Variants in SEC16A observed in about 807,000 individuals in gnomAD.
SEC16A encodes the protein protein transport protein Sec16A.
A neutral mutation model predicts 221.9 loss-of-function variants in SEC16A; 110 were observed. The ratio of observed to expected loss-of-function variants is 0.50; its 90% CI spans 0.42 to 0.58. The LOEUF is 0.58. SEC16A is among the 20% of genes least tolerant of loss of function. The pLI, the probability that SEC16A is intolerant of heterozygous loss-of-function variation, is 0.00. For synonymous variants in SEC16A, 1,393 were observed against 1,257.7 expected, an observed-to-expected ratio of 1.11 and a Z score of -2.28; for missense variants, 3,165 against 3,097.8, an observed-to-expected ratio of 1.02 and a Z score of -0.52.
intron 20 of SEC16A, among the ~76,000 whole-genome samples, chr9:136,455,384 G>A (rs1838486326): frequency 6.6e-6 from 1 of 152,162 alleles, no homozygotes; most frequent in Non-Finnish European, 1.5e-5. Flanking sequence ...GACATGGAAA[G>A]CCATGAGCCT....
intron 22 of SEC16A, among the ~76,000 whole-genome samples, chr9:136,452,179 T>C (rs1305207400): frequency 2.6e-5 from 4 of 151,510 alleles, no homozygotes; most frequent in Non-Finnish European, 4.4e-5. Context: ...CTGGGCGGGG[T>C]GGCTCATGCC....
chr9:136,449,783 ATCATGTTTTATC>A (rs1400581913), intron 23 of SEC16A, among the ~76,000 whole-genome samples: 1 of 152,242 alleles, frequency 6.6e-6, no homozygotes, highest in Non-Finnish European at 1.5e-5. Context: ...CTGCTCAAGT[ATCATGTTTTATC>A]TCAGAGCTCA....
rs780432943 is a variant in SEC16A, at chr9:136,448,600, G to T, written c.6313-439C>A. On this transcript the variant is annotated intron_variant, in intron 23 of 31. Coordinates refer to ENST00000684901, the MANE Select transcript of SEC16A (RefSeq NM_014866.2). ...TCCATAGAGACACCAGGATGGAGGT[G>T]GGGAGCAGATCCAGACACACCAGGA... 3 of 713,350 alleles carry T rather than the reference G, an allele frequency of 4.2e-6. No individual in the cohort carries two copies. In the South Asian group the frequency reaches 4.5e-5, roughly 11 times the overall value. 44.2% of individuals were successfully genotyped at this position (713,350 alleles called of 1,614,324 possible).
intron 22 of SEC16A, among the ~76,000 whole-genome samples, chr9:136,452,477 A>AAAAAAAAG (rs1413100239): frequency 6.9e-6 from 1 of 144,996 alleles, no homozygotes; most frequent in Non-Finnish European, 1.5e-5. Flanking sequence ...AAAAAAAAAA[A>AAAAAAAAG]AGAGATGGCC....
intron 1 of SEC16A, among the ~76,000 whole-genome samples, chr9:136,481,633 C>T (rs1044843331): frequency 3.3e-5 from 5 of 152,130 alleles, no homozygotes; most frequent in Admixed American, 1.3e-4. Context: ...GCATGCACAC[C>T]CCTCTCCTCT....
chr9:136,462,178 G>A (rs1839572408), intron 12 of SEC16A, among the ~76,000 whole-genome samples: 2 of 152,254 alleles, frequency 1.3e-5, no homozygotes, highest in South Asian at 4.1e-4. Flanking sequence ...TGATATAAAA[G>A]GACAGAAAAC....
In SEC16A at chr9:136,447,176, G is replaced by T; in HGVS notation, c.6697+51C>A. Reference sequence around the variant, plus strand: ...AGAGACTCATAGAAAGAGGATCAAAGGTCAGGAGACTGGGGGCTGACCTGG... The same window carrying T: ...AGAGACTCATAGAAAGAGGATCAAATGTCAGGAGACTGGGGGCTGACCTGG... On this transcript the variant is annotated intron_variant, in intron 27 of 31. Coordinates refer to ENST00000684901, the MANE Select transcript of SEC16A (RefSeq NM_014866.2). This position sits in a 1 kb window ranked among gnomAD's most constrained non-coding sequence, Gnocchi z 5.5. 1 of 1,563,490 alleles carries T rather than the reference G, an allele frequency of 6.4e-7. No homozygotes were observed. The highest frequency in any genetic ancestry group is 8.7e-7 in the Non-Finnish European group (1 of 1,153,484).
chr9:136,472,953 C>A (rs1158082940), intron 3 of SEC16A, among the ~76,000 whole-genome samples: 1 of 152,256 alleles, frequency 6.6e-6, no homozygotes, highest in Admixed American at 6.5e-5. Flanking sequence ...CACGGCTTCC[C>A]GTCGCTCTGC....
Position 136,451,289 on chromosome 9 carries a change from C to G in SEC16A, c.6279G>C (p.Gln2093His), listed in dbSNP as rs1490532145. The change falls in exon 23 of 32, where the codon CAG (glutamine) becomes CAC (histidine). Residue 2093 changes from glutamine (Q) to histidine (H), a missense_variant. This residue lies in a region of SEC16A where 1,088 missense variants were observed against 1,089.6 expected (regional missense o/e 1.00). Transcript: ENST00000684901. Reference protein sequence around the residue: ...SPAPETKRPGQAAKKETKEPK... With the variant: ...SPAPETKRPGHAAKKETKEPK... ...GTTCCTTCGTTTCTTTCTTGGCTGC[C>G]TGTCCGGGTCTCTTTGTTTCGGGAG... 1.9e-6 allele frequency: 3 copies of G among 1,613,164 alleles called. No homozygotes were observed.
chr9:136,465,470 C>T (rs572906704), intron 8 of SEC16A, among the ~76,000 whole-genome samples: 2 of 152,306 alleles, frequency 1.3e-5, no homozygotes, highest in East Asian at 3.9e-4. Flanking sequence ...AAAAAACAAA[C>T]AAACAAAAAA....
At chr9:136,445,177 C>G (rs1463194717) in intron 29 of SEC16A, 66 bp from the exon 30 acceptor site, 16 of 1,377,076 alleles carry the variant, frequency 1.2e-5, no homozygotes, top group Middle Eastern at 1.8e-4. Flanking sequence ...CTGTCCAATC[C>G]AAGCTGTCAG....
At chr9:136,470,373 G>A (rs1026759691) in intron 4 of SEC16A, among the ~76,000 whole-genome samples, 1 of 152,186 alleles carries the variant, frequency 6.6e-6, no homozygotes, top group Admixed American at 6.5e-5. Context: ...TGGCAGGGCG[G>A]CCAGCAGCAG....
In SEC16A at chr9:136,448,656, C is replaced by T. The variant is rs1021109002; in HGVS notation, c.6313-495G>A. On this transcript the variant is annotated intron_variant, in intron 23 of 31. Coordinates refer to ENST00000684901, the MANE Select transcript of SEC16A (RefSeq NM_014866.2). ...GAGGTGGGGAGCAGATCCACAGAGA[C>T]ACCAGGAGGATGGAGGTGGGGAGCA... The T allele has an allele frequency of 7.1e-6, 5 of 707,092 alleles. No individual in the cohort carries two copies. The African/African-American group carries it at 7.5e-5, about 11-fold the overall frequency. 43.8% of individuals were successfully genotyped at this position (707,092 alleles called of 1,614,324 possible). A position where few individuals can be genotyped will look rare whatever the true frequency, so the allele number is the denominator to read the frequency against.
In SEC16A at chr9:136,440,783, A is replaced by C. The variant is rs996146714; in HGVS notation, c.*972T>G. On this transcript the variant is annotated 3_prime_UTR_variant, in exon 32 of 32. Coordinates refer to ENST00000684901, the MANE Select transcript of SEC16A (RefSeq NM_014866.2). ...CTCCCCAAGTGCTACCAACCTCTGA[A>C]CCAACGTCCCCCAGGGGAGAAAGTG... 6.6e-6 allele frequency: 1 copy of C among 152,446 alleles called. No individual in the cohort carries two copies. Among genetic ancestry groups the C allele is most frequent in the African/African-American group, 2.4e-5 (1 of 41,456 alleles). 9.4% of individuals were successfully genotyped at this position (152,446 alleles called of 1,614,324 possible). A position where few individuals can be genotyped will look rare whatever the true frequency, so the allele number is the denominator to read the frequency against.
intron 3 of SEC16A, 114 bp from the exon 4 acceptor site, chr9:136,472,225 G>A: frequency 8.1e-7 from 1 of 1,232,978 alleles, no homozygotes; most frequent in Non-Finnish European, 1.1e-6. Context: ...TACCTACCAA[G>A]AGCAAGCTCG....
At chr9:136,482,200 T>G (rs1842465478) in intron 1 of SEC16A, among the ~76,000 whole-genome samples, 1 of 152,208 alleles carries the variant, frequency 6.6e-6, no homozygotes, top group African/African-American at 2.4e-5. Flanking sequence ...GTGCTGAAAC[T>G]TGCAAAAGTA....
upstream of SEC16A, chr9:136,483,793 G>A (rs1373599029): frequency 2.0e-6 from 2 of 985,250 alleles, no homozygotes; most frequent in Admixed American, 1.2e-4. Context: ...TGGAGGGCAG[G>A]CGGCGGCGGC....
At chr9:136,452,128 A>G (rs1228453139) in intron 22 of SEC16A, among the ~76,000 whole-genome samples, 1 of 152,154 alleles carries the variant, frequency 6.6e-6, no homozygotes, top group African/African-American at 2.4e-5. Flanking sequence ...AGATCAAAAA[A>G]TTAGAAAAGA....
At position 136,447,260 on chromosome 9, in the gene SEC16A, GGAGTGGCGC is replaced by G; in HGVS notation, c.6655_6663del (p.Ala2219_Leu2221del). On this transcript the variant is annotated inframe_deletion, in exon 27 of 32. Coordinates refer to ENST00000684901, the MANE Select transcript of SEC16A (RefSeq NM_014866.2). The surrounding 1 kb of genome is among the most constrained non-coding windows in gnomAD (Gnocchi z 5.5). ...GGCACGAACAAGTTAGAAGGAATTG[GGAGTGGCGC>G]GAGTGGAGCGACAAAGTCCGCAGGA... 6.3e-7 allele frequency: 1 copy of G among 1,597,030 alleles called. No individual in the cohort carries two copies. The highest frequency in any genetic ancestry group is 8.5e-7 in the Non-Finnish European group (1 of 1,172,504).
Sources: gnomAD v4.1 joint callset for allele counts (sites outside exome capture counted in the v4.1 genomes callset) on GRCh38, gnomAD v4.1.1 for gene constraint, gnomAD v4.1.1 regional missense constraint, Gnocchi (gnomAD v3.1) non-coding constraint, MANE v1.5 for transcripts, NCBI Gene and HGNC (gene_info 2026-07-23, HGNC 2026-07-21) for gene names.